RYR3: variants seen among roughly 807,000 people sequenced by gnomAD.
The protein encoded by RYR3 is brain ryanodine receptor-calcium release channel.
Under a neutral mutation model 584.3 loss-of-function variants are expected in RYR3, and 207 were observed. The ratio of observed to expected loss-of-function variants is 0.35; its 90% CI spans 0.32 to 0.40. The LOEUF is 0.40. RYR3 is among the 10% of genes least tolerant of loss of function. The pLI is 1.00. For missense variants in RYR3, 5,616 were observed against 6,089.2 expected, an observed-to-expected ratio of 0.92 and a Z score of 2.59; for synonymous variants, 2,416 against 2,248.5, an observed-to-expected ratio of 1.07 and a Z score of -2.11.
At chr15:33,856,979 C>T (rs572214541) in intron 98 of RYR3, among the ~76,000 whole-genome samples, 1 of 152,046 alleles carries the variant, frequency 6.6e-6, no homozygotes, top group African/African-American at 2.4e-5. Context: ...TAAGCAGCAG[C>T]ATTAGAGTAG....
intron 38 of RYR3, among the ~76,000 whole-genome samples, chr15:33,672,735 T>C (rs534336840): frequency 3.1e-4 from 47 of 152,388 alleles, no homozygotes; most frequent in African/African-American, 7.2e-4. Context: ...ATCTGATTTC[T>C]ATTACCCTTG....
At chr15:33,808,102 G>A (rs969315811) in intron 70 of RYR3, among the ~76,000 whole-genome samples, 13 of 151,828 alleles carry the variant, frequency 8.6e-5, no homozygotes, top group Admixed American at 3.9e-4. Context: ...AATGTGTGTC[G>A]GCTGCCATTC....
rs947498168 is a variant in RYR3, at chr15:33,848,307, T to C, written c.13514T>C (p.Phe4505Ser). 1.9e-6 allele frequency: 3 copies of C among 1,613,704 alleles called. No individual in the cohort carries two copies. The highest frequency in any genetic ancestry group is 2.5e-6 in the Non-Finnish European group (3 of 1,179,852). ...YYCLKVPLVV[F>S]KREKEIARKL... ...CACTCCTAGGTGCCTTTGGTGGTTT[T>C]CAAAAGGGAAAAAGAAATCGCCAGG... The change falls in exon 94 of 104, where the codon TTC becomes TCC. Residue 4505 changes from phenylalanine (F) to serine (S), a missense_variant. By Grantham distance (155) the Phe-to-Ser change is radical. This residue lies in a region of RYR3 where 918 missense variants were observed against 887.4 expected (regional missense o/e 1.03). Coordinates refer to ENST00000634891, the MANE Select transcript of RYR3 (RefSeq NM_001036.6).
Position 33,482,626 on chromosome 15 carries a change from C to T in RYR3, c.171+9088C>T, listed in dbSNP as rs561542385. On this transcript the variant is annotated intron_variant, in intron 2 of 103. Transcript: ENST00000634891. ...TAGGGATAGGGTTTCACCATGTTGG[C>T]CAGGCTGGTCTCGAACTCCTGACGT... Among the ~76,000 whole-genome samples, 15 of 152,284 alleles carry T rather than the reference C, an allele frequency of 9.9e-5. No homozygotes were observed. In the South Asian group the frequency reaches 3.1e-3, roughly 32 times the overall value.
chr15:33,773,347 A>G (rs2073749925), intron 63 of RYR3, among the ~76,000 whole-genome samples, 187 bp from the exon 64 acceptor site: 1 of 150,688 alleles, frequency 6.6e-6, no homozygotes, highest in Middle Eastern at 3.4e-3. Context: ...TTTTTCCTAT[A>G]TTTTTTTTTT....
chr15:33,796,632 C>T (rs1254926017), intron 67 of RYR3, among the ~76,000 whole-genome samples: 2 of 152,166 alleles, frequency 1.3e-5, no homozygotes, highest in Admixed American at 6.5e-5. Context: ...TGTTTAGTGG[C>T]AAAGTCTGGA....
chr15:33,553,448 C>G (rs1340538493), intron 10 of RYR3, among the ~76,000 whole-genome samples: 1 of 152,144 alleles, frequency 6.6e-6, no homozygotes, highest in Non-Finnish European at 1.5e-5. Context: ...CCCAGTGCAT[C>G]TTGTATGTGC....
intron 31 of RYR3, among the ~76,000 whole-genome samples, chr15:33,652,391 G>C (rs929029947): frequency 6.6e-6 from 1 of 151,962 alleles, no homozygotes; most frequent in Non-Finnish European, 1.5e-5. Flanking sequence ...TCAATTTCCC[G>C]TCTCTTTGGT....
intron 81 of RYR3, among the ~76,000 whole-genome samples, chr15:33,824,512 G>A (rs1344470544): frequency 6.6e-6 from 1 of 152,148 alleles, no homozygotes; most frequent in Non-Finnish European, 1.5e-5. Flanking sequence ...TCCCCTGACG[G>A]CTAAACCAAA....
At chr15:33,663,078 C>T in intron 35 of RYR3, 130 bp downstream of exon 35, 1 of 769,992 alleles carries the variant, frequency 1.3e-6, no homozygotes, top group South Asian at 1.7e-5. Flanking sequence ...ACCAAGAGTG[C>T]TTGATGATTA....
chr15:33,634,370 A>G (rs534367391), intron 24 of RYR3, among the ~76,000 whole-genome samples: 1 of 152,308 alleles, frequency 6.6e-6, no homozygotes, highest in South Asian at 2.1e-4. Flanking sequence ...TTTTAATGCT[A>G]GCTTTGAGCA....
chr15:33,333,066 CAAAA>C (rs1195937254), intron 1 of RYR3, among the ~76,000 whole-genome samples: 104 of 55,742 alleles, frequency 1.9e-3, no homozygotes, highest in Non-Finnish European at 3.0e-3. Flanking sequence ...GCCTACCAAC[CAAAA>C]AAAAAAAAAA....
chr15:33,803,374 T>G (rs2076017339), intron 69 of RYR3, among the ~76,000 whole-genome samples: 1 of 152,184 alleles, frequency 6.6e-6, no homozygotes, highest in Non-Finnish European at 1.5e-5. Context: ...GTAGACGAGG[T>G]TGAGTTTTTT....
intron 1 of RYR3, among the ~76,000 whole-genome samples, chr15:33,464,113 TGAG>T (rs147758384): frequency 0.022 from 3,310 of 152,038 alleles, 51 homozygotes; most frequent in Non-Finnish European, 0.028. Flanking sequence ...AGGTTATTAA[TGAG>T]GAGGAGAGAG....
chr15:33,716,200 A>G (rs2067484509), intron 43 of RYR3, among the ~76,000 whole-genome samples: 1 of 152,256 alleles, frequency 6.6e-6, no homozygotes, highest in South Asian at 2.1e-4. Flanking sequence ...TATAGCCTGC[A>G]GAACCAATGA....
intron 3 of RYR3, among the ~76,000 whole-genome samples, chr15:33,520,218 C>T (rs992486002): frequency 1.3e-5 from 2 of 152,162 alleles, no homozygotes. Flanking sequence ...AAAAAACTTA[C>T]TCCTATTTTG....
intron 38 of RYR3, among the ~76,000 whole-genome samples, chr15:33,680,151 G>T (rs2064485934): frequency 6.6e-6 from 1 of 152,162 alleles, no homozygotes; most frequent in East Asian, 1.9e-4. Context: ...CTGCTGAGTG[G>T]GGGCTAGGGA....
At chr15:33,605,398 G>C (rs2059858169) in intron 18 of RYR3, among the ~76,000 whole-genome samples, 6 of 152,204 alleles carry the variant, frequency 3.9e-5, no homozygotes, top group Admixed American at 3.9e-4. Flanking sequence ...AGGAAGCTGG[G>C]TGCTCCAGGC....
chr15:33,554,532 G>A (rs1360745470), intron 10 of RYR3, among the ~76,000 whole-genome samples: 5 of 152,030 alleles, frequency 3.3e-5, no homozygotes, highest in African/African-American at 1.2e-4. Context: ...TCCTGACCTC[G>A]TGATCCGCCC....
Sources: allele counts gnomAD v4.1 joint callset (sites outside exome capture counted in the v4.1 genomes callset), GRCh38; gene constraint gnomAD v4.1.1; regional missense constraint gnomAD v4.1.1; transcripts MANE v1.5; gene names NCBI Gene and HGNC (gene_info 2026-07-23, HGNC 2026-07-21).